OTULINL: variants seen among roughly 807,000 people sequenced by gnomAD.
OTULINL encodes inactive ubiquitin thioesterase OTULINL.
In OTULINL, 42 loss-of-function variants were observed where a neutral mutation model predicts 43.9. That is an observed-to-expected ratio of 0.96 (90% CI 0.75 to 1.24). The LOEUF is 1.24. Among genes scored for constraint, OTULINL ranks in the 50% most tolerant of loss-of-function variants. The pLI, the probability that OTULINL is intolerant of heterozygous loss-of-function variation, is 0.00. For missense variants in OTULINL, 411 were observed against 426.4 expected (o/e 0.96, Z 0.32); for synonymous variants, 172 against 153.6 (o/e 1.12, Z -0.88).
chr5:14,589,891 C>G (rs564982435), intron 1 of OTULINL, among the ~76,000 whole-genome samples: 1 of 151,936 alleles, frequency 6.6e-6, no homozygotes, highest in African/African-American at 2.4e-5. Context: ...GCAGAGGTTG[C>G]GGATCATGCC....
intron 6 of OTULINL, 41 bp downstream of exon 6, chr5:14,607,499 GC>G: frequency 6.2e-7 from 1 of 1,609,958 alleles, no homozygotes; most frequent in Non-Finnish European, 8.5e-7. Flanking sequence ...AGGAATAAAA[GC>G]ACATATCCCA....
intron 5 of OTULINL, among the ~76,000 whole-genome samples, chr5:14,604,345 C>T (rs1457524862): frequency 6.6e-6 from 1 of 152,106 alleles, no homozygotes; most frequent in Non-Finnish European, 1.5e-5. Flanking sequence ...TTTCATGCTG[C>T]TGATAAAGAC....
Position 14,608,843 on chromosome 5 carries a change from A to G in OTULINL, c.723A>G (p.Glu241=). 1.9e-6 allele frequency: 3 copies of G among 1,613,906 alleles called. No homozygotes were observed. Among genetic ancestry groups the G allele is most frequent in the African/African-American group, 1.3e-5 (1 of 75,046 alleles). The change falls in exon 7 of 8, where the codon GAA becomes GAG. Residue 241 remains glutamate (E), a synonymous_variant. Coordinates refer to ENST00000274217, the MANE Select transcript of OTULINL (RefSeq NM_019018.3). ...SDAILEYKLY[E]ALKFIMLYQV... is the part of the protein sequence containing the mutation. ...CCATTCTGGAATATAAACTTTATGAAGCTTTAAAGTTCATCATGCTGTATC... is the reference window on the plus strand; with the variant it reads ...CCATTCTGGAATATAAACTTTATGAGGCTTTAAAGTTCATCATGCTGTATC...
rs187837066 is a variant in OTULINL at position 14,582,441 on chromosome 5, G to A, written c.64+483G>A. ...GCGCCCTGCTGGCAGAGGATGTGGC[G>A]CACACCTTCGCGGCAGTCGAGACTT... On this transcript the variant is annotated intron_variant, in intron 1 of 7. Coordinates refer to ENST00000274217, the MANE Select transcript of OTULINL (RefSeq NM_019018.3). Among the ~76,000 whole-genome samples the A allele has an allele frequency of 2.0e-4, 30 of 151,992 alleles. 1 individual carries two copies. Among genetic ancestry groups the A allele is most frequent in the African/African-American group, 7.0e-4 (29 of 41,400 alleles).
At chr5:14,593,428 C>A (rs1014366480) in intron 1 of OTULINL, among the ~76,000 whole-genome samples, 1 of 151,862 alleles carries the variant, frequency 6.6e-6, no homozygotes, top group Non-Finnish European at 1.5e-5. Context: ...AGTCCTCTAG[C>A]TAGAAAATGA....
At chr5:14,589,552 G>A (rs1193943888) in intron 1 of OTULINL, among the ~76,000 whole-genome samples, 4 of 152,226 alleles carry the variant, frequency 2.6e-5, no homozygotes, top group Admixed American at 1.3e-4. Flanking sequence ...GTGCCAGTAT[G>A]TGGGGCTTTC....
Position 14,602,329 on chromosome 5 carries a change from T to A in OTULINL, c.495T>A (p.Val165=). 3 of 1,612,744 alleles carry A rather than the reference T, an allele frequency of 1.9e-6. No homozygotes were observed. Among genetic ancestry groups the A allele is most frequent in the Non-Finnish European group, 2.5e-6 (3 of 1,179,534 alleles). The change falls in exon 5 of 8, where the codon GTT becomes GTA. Residue 165 remains valine, a synonymous_variant. Transcript: ENST00000274217. ...CATGGATGAAAGAAAAGGACATTGT[T>A]AAGGTATGTCTTCCCCCTGGAAATG... ...FPSWMKEKDI[V]KLPEKLLFSQ...
chr5:14,595,607 A>C (rs865921944), intron 1 of OTULINL, among the ~76,000 whole-genome samples: 15 of 146,476 alleles, frequency 1.0e-4, no homozygotes, highest in East Asian at 7.9e-4. Flanking sequence ...AAAAAAAAAA[A>C]CACTAAGTAG....
At chr5:14,585,362 C>T (rs1430779384) in intron 1 of OTULINL, among the ~76,000 whole-genome samples, 1 of 149,304 alleles carries the variant, frequency 6.7e-6, no homozygotes, top group Admixed American at 6.7e-5. Flanking sequence ...GTTGTTTTGC[C>T]ACCCATTTGT....
intron 1 of OTULINL, among the ~76,000 whole-genome samples, chr5:14,594,537 AG>A (rs1476326611): frequency 1.3e-5 from 2 of 152,148 alleles, no homozygotes; most frequent in African/African-American, 2.4e-5. Context: ...TCCCCAGGCC[AG>A]GGGGTCCCTG....
At position 14,611,866 on chromosome 5, in the gene OTULINL, A is replaced by T. The variant is rs1020443727; in HGVS notation, c.*1552A>T. The stretch of plus-strand genomic sequence containing the variant: ...AGCACTATCATTTTCCCAGATGTTC[A>T]TATTATTTCTGCAATAAATTAAAAG... On this transcript the variant is annotated 3_prime_UTR_variant, in exon 8 of 8. Transcript: ENST00000274217. The T allele has an allele frequency of 2.6e-5, 4 of 152,200 alleles. No homozygotes were observed. The highest frequency in any genetic ancestry group is 2.6e-4 in the Admixed American group (4 of 15,282). The allele number at this position is 152,200 out of a possible 1,614,324, so 9.4% of individuals were successfully genotyped here.
chr5:14,607,286 A>G lies in OTULINL; in HGVS notation c.499-44A>G, dbSNP rs760599306. On this transcript the variant is annotated intron_variant, in intron 5 of 7. Transcript: ENST00000274217. ...CTATACAGCAAATTGTGTGTAATAA[A>G]CGTTCATATGCTAATCATAGTTGGC... 31 of 1,601,816 alleles carry G rather than the reference A, an allele frequency of 1.9e-5. No individual in the cohort carries two copies. In the South Asian group the frequency reaches 3.0e-4, roughly 16 times the overall value.
chr5:14,586,892 G>C (rs1292859158), intron 1 of OTULINL, among the ~76,000 whole-genome samples: 1 of 151,652 alleles, frequency 6.6e-6, no homozygotes, highest in Non-Finnish European at 1.5e-5. Context: ...AAAAAAAGAA[G>C]CATACCTCCC....
chr5:14,597,560 A>T (rs899147954), intron 1 of OTULINL, among the ~76,000 whole-genome samples: 7 of 152,216 alleles, frequency 4.6e-5, no homozygotes, highest in Admixed American at 3.3e-4. Context: ...ACATAATAAA[A>T]GCTTAAACTG....
intron 4 of OTULINL, among the ~76,000 whole-genome samples, 187 bp downstream of exon 4, chr5:14,601,629 G>A (rs1759391236): frequency 6.6e-6 from 1 of 152,224 alleles, no homozygotes; most frequent in Non-Finnish European, 1.5e-5. Flanking sequence ...TTTACCTGGA[G>A]CTCGTGCCCT....
chr5:14,610,317 C>A lies in OTULINL; in HGVS notation c.*3C>A. On this transcript the variant is annotated 3_prime_UTR_variant, in exon 8 of 8. Transcript: ENST00000274217. ...ACTACCACATTCCAGTCTTTTAAGT[C>A]CGCTGGGGGCCGAACAGCAGTGCTC... The A allele has an allele frequency of 6.2e-7, 1 of 1,612,140 alleles. No homozygotes were observed. Among genetic ancestry groups the A allele is most frequent in the East Asian group, 2.2e-5 (1 of 44,884 alleles).
chr5:14,581,809 C>G lies in OTULINL; in HGVS notation c.-86C>G. The stretch of plus-strand genomic sequence containing the variant: ...CCCAGCCCGCCTCAGGGAAGCGAGC[C>G]CGGGCGCCGGCGGGCGGCCGTCGCG... On this transcript the variant is annotated 5_prime_UTR_variant, in exon 1 of 8. Coordinates refer to ENST00000274217, the MANE Select transcript of OTULINL (RefSeq NM_019018.3). 8.8e-7 allele frequency: 1 copy of G among 1,140,718 alleles called. No individual in the cohort carries two copies. Among genetic ancestry groups the G allele is most frequent in the Non-Finnish European group, 1.1e-6 (1 of 891,902 alleles). The allele number at this position is 1,140,718 out of a possible 1,614,324, so 70.7% of individuals were successfully genotyped here.
At position 14,615,107 on chromosome 5, in the gene OTULINL, T is replaced by C. The variant is rs538163855; in HGVS notation, c.*4793T>C. On this transcript the variant is annotated 3_prime_UTR_variant, in exon 8 of 8. Coordinates refer to ENST00000274217, the MANE Select transcript of OTULINL (RefSeq NM_019018.3). ...GTCAGCAATCATGATTTTGTTTTGC[T>C]TGTTCACAAGTTTGAAAAGGTGCAT... The C allele has an allele frequency of 5.3e-6, 1 of 190,310 alleles. No individual in the cohort carries two copies. Among genetic ancestry groups the C allele is most frequent in the South Asian group, 1.9e-4 (1 of 5,188 alleles). The allele number at this position is 190,310 out of a possible 1,614,324, so 11.8% of individuals were successfully genotyped here. A position where few individuals can be genotyped will look rare whatever the true frequency, so the allele number is the denominator to read the frequency against.
Position 14,613,667 on chromosome 5 carries a change from GA to G in OTULINL, c.*3354del. 6.6e-6 allele frequency among the ~76,000 whole-genome samples: 1 copy of G among 152,302 alleles called. No individual in the cohort carries two copies. Among genetic ancestry groups the G allele is most frequent in the South Asian group, 2.1e-4 (1 of 4,828 alleles). The stretch of plus-strand genomic sequence containing the variant: ...ACTATTAATTCAGAGCCACCCTGGT[GA>G]GTTGAATTTCTTGAATGTCTTCATG... On this transcript the variant is annotated 3_prime_UTR_variant, in exon 8 of 8. Coordinates refer to ENST00000274217, the MANE Select transcript of OTULINL (RefSeq NM_019018.3).
Sources: allele counts gnomAD v4.1 joint callset (sites outside exome capture counted in the v4.1 genomes callset), GRCh38; gene constraint gnomAD v4.1.1; transcripts MANE v1.5; gene names NCBI Gene and HGNC (gene_info 2026-07-23, HGNC 2026-07-21).